AGBL4: variants seen among roughly 807,000 people sequenced by gnomAD.
AGBL4 encodes the protein AGBL carboxypeptidase 4.
In AGBL4, 58 loss-of-function variants were observed where a neutral mutation model predicts 66.4. The observed-to-expected ratio is 0.87, with a 90% CI of 0.71 to 1.09. The LOEUF is 1.09. Among genes scored for constraint, AGBL4 ranks in the 50% least tolerant of loss-of-function variants. The probability of loss-of-function intolerance (pLI) is 0.00; values close to 1 mark genes in which losing one functional copy is unlikely to be tolerated. For missense variants in AGBL4, 579 were observed against 631.0 expected (o/e 0.92, Z 0.88); for synonymous variants, 234 against 222.9 (o/e 1.05, Z -0.44).
At chr1:49,924,453 T>C (rs1176490711) in intron 1 of AGBL4, among the ~76,000 whole-genome samples, 2 of 152,160 alleles carry the variant, frequency 1.3e-5, no homozygotes, top group East Asian at 1.9e-4. Flanking sequence ...AAAAAAAGAA[T>C]GGGTGTTACC....
chr1:49,402,202 C>T (rs186919981), intron 3 of AGBL4, among the ~76,000 whole-genome samples: 213 of 151,888 alleles, frequency 1.4e-3, no homozygotes, highest in African/African-American at 5.1e-3. Flanking sequence ...CTTGTTATTC[C>T]TTTTCTTTTA....
chr1:48,647,395 G>A (rs1645854782), intron 8 of AGBL4, among the ~76,000 whole-genome samples: 1 of 152,184 alleles, frequency 6.6e-6, no homozygotes, highest in African/African-American at 2.4e-5. Flanking sequence ...GCATGTGTGA[G>A]GTTTGGGAAA....
Position 48,629,027 on chromosome 1 carries a change from A to G in AGBL4, c.951+5466T>C, listed in dbSNP as rs193205881. ...CAGAGATAGCTCAAGAGTCTTGCAA[A>G]TGGGAACATTGAAAAATGTGTGCTG... On this transcript the variant is annotated intron_variant, in intron 9 of 13. Coordinates refer to ENST00000371839, the MANE Select transcript of AGBL4 (RefSeq NM_032785.4). 2.2e-3 allele frequency among the ~76,000 whole-genome samples: 335 copies of G among 152,184 alleles called. 2 individuals carry two copies. The highest frequency in any genetic ancestry group is 7.9e-3 in the African/African-American group (326 of 41,520).
At chr1:49,544,524 A>G (rs748949386) in intron 3 of AGBL4, among the ~76,000 whole-genome samples, 3 of 152,230 alleles carry the variant, frequency 2.0e-5, no homozygotes, top group Non-Finnish European at 4.4e-5. Flanking sequence ...AGAAAATCTG[A>G]GGTGGTAAAT....
intron 6 of AGBL4, among the ~76,000 whole-genome samples, chr1:48,784,978 CT>C (rs910654823): frequency 6.6e-6 from 1 of 152,210 alleles, no homozygotes; most frequent in Non-Finnish European, 1.5e-5. Flanking sequence ...CAACTCGCTT[CT>C]TGAAATTATG....
chr1:48,767,109 G>A (rs931415101), intron 6 of AGBL4, among the ~76,000 whole-genome samples: 11 of 152,204 alleles, frequency 7.2e-5, no homozygotes, highest in African/African-American at 2.7e-4. Context: ...GGTTGGGAGA[G>A]GGTGGCCCAG....
intron 9 of AGBL4, among the ~76,000 whole-genome samples, chr1:48,605,775 T>A (rs552049394): frequency 6.6e-6 from 1 of 152,286 alleles, no homozygotes; most frequent in South Asian, 2.1e-4. Flanking sequence ...ACTCTCTCCA[T>A]CCTTTATCTT....
chr1:49,736,154 T>C (rs1649875036), intron 2 of AGBL4, among the ~76,000 whole-genome samples: 1 of 152,078 alleles, frequency 6.6e-6, no homozygotes, highest in South Asian at 2.1e-4. Context: ...TTCCCAAATT[T>C]GATGAAAACA....
chr1:49,654,792 C>T (rs1251969653), intron 3 of AGBL4, among the ~76,000 whole-genome samples: 1 of 152,144 alleles, frequency 6.6e-6, no homozygotes, highest in African/African-American at 2.4e-5. Flanking sequence ...CTTCCTCCAT[C>T]CCTTTATTTT....
chr1:49,385,211 G>T (rs951284528), intron 3 of AGBL4, among the ~76,000 whole-genome samples: 1 of 152,116 alleles, frequency 6.6e-6, no homozygotes, highest in East Asian at 1.9e-4. Flanking sequence ...AAAAGTTTTA[G>T]AGATCTAATG....
intron 6 of AGBL4, among the ~76,000 whole-genome samples, chr1:48,765,935 C>T (rs553792313): frequency 6.6e-6 from 1 of 152,166 alleles, no homozygotes; most frequent in African/African-American, 2.4e-5. Flanking sequence ...AGTGACTGCT[C>T]AATGGGTAAC....
intron 3 of AGBL4, among the ~76,000 whole-genome samples, chr1:49,663,841 T>C (rs1302783939): frequency 2.0e-5 from 3 of 152,074 alleles, no homozygotes; most frequent in African/African-American, 7.2e-5. Context: ...AAATATCATT[T>C]AAATATAACC....
At chr1:49,271,743 A>G (rs1339324616) in intron 3 of AGBL4, among the ~76,000 whole-genome samples, 1 of 151,996 alleles carries the variant, frequency 6.6e-6, no homozygotes, top group Non-Finnish European at 1.5e-5. Context: ...TTGGTACTAC[A>G]TAAAAAATCT....
At chr1:48,955,921 G>A (rs753999453) in intron 5 of AGBL4, among the ~76,000 whole-genome samples, 7 of 152,204 alleles carry the variant, frequency 4.6e-5, no homozygotes, top group Non-Finnish European at 8.8e-5. Context: ...ACAGTAGCTG[G>A]GAGTCATTAA....
chr1:49,968,112 A>G (rs1657725693), intron 1 of AGBL4, among the ~76,000 whole-genome samples: 1 of 151,940 alleles, frequency 6.6e-6, no homozygotes, highest in South Asian at 2.1e-4. Context: ...AATCTCAGCT[A>G]CTCAGGAGGC....
chr1:49,806,761 G>A (rs1644984828), intron 2 of AGBL4, among the ~76,000 whole-genome samples: 1 of 152,108 alleles, frequency 6.6e-6, no homozygotes, highest in African/African-American at 2.4e-5. Context: ...CTGGGGGACA[G>A]AATAATTTCA....
intron 6 of AGBL4, among the ~76,000 whole-genome samples, chr1:48,670,666 G>A (rs1646262455): frequency 6.6e-6 from 1 of 152,218 alleles, no homozygotes; most frequent in Non-Finnish European, 1.5e-5. Context: ...GAGCAGGTAG[G>A]CAGCCTTCCA....
At chr1:49,349,029 C>G (rs913938472) in intron 3 of AGBL4, among the ~76,000 whole-genome samples, 1 of 152,170 alleles carries the variant, frequency 6.6e-6, no homozygotes, top group Non-Finnish European at 1.5e-5. Flanking sequence ...CTGCCATGCA[C>G]CAGCCATACA....
At chr1:49,470,316 A>G (rs1646715984) in intron 3 of AGBL4, among the ~76,000 whole-genome samples, 1 of 152,008 alleles carries the variant, frequency 6.6e-6, no homozygotes, top group Non-Finnish European at 1.5e-5. Flanking sequence ...AAAAAGACTT[A>G]GAAGTTCCAG....
Sources: allele counts gnomAD v4.1 joint callset (sites outside exome capture counted in the v4.1 genomes callset), GRCh38; gene constraint gnomAD v4.1.1; transcripts MANE v1.5; gene names NCBI Gene and HGNC (gene_info 2026-07-23, HGNC 2026-07-21).